Variants in LRRC4C observed in about 807,000 individuals in gnomAD.
The protein encoded by LRRC4C is leucine rich repeat containing 4C.
LRRC4C carries 5 observed loss-of-function variants against 33.6 expected under a neutral mutation model. The ratio of observed to expected loss-of-function variants is 0.15; its 90% CI spans 0.08 to 0.31. The LOEUF (loss-of-function observed/expected upper bound fraction) is 0.31. Among genes scored for constraint, LRRC4C ranks in the 10% least tolerant of loss-of-function variants. The pLI is 1.00. For synonymous variants in LRRC4C, 329 were observed against 302.0 expected, an observed-to-expected ratio of 1.09 and a Z score of -0.93; for missense variants, 560 against 796.7, an observed-to-expected ratio of 0.70 and a Z score of 3.58.
chr11:40,232,388 G>A (rs1453317208), intron 5 of LRRC4C, among the ~76,000 whole-genome samples: 1 of 152,048 alleles, frequency 6.6e-6, no homozygotes, highest in African/African-American at 2.4e-5. Flanking sequence ...ACCCACCTCT[G>A]TAAGACAAGA....
intron 1 of LRRC4C, among the ~76,000 whole-genome samples, chr11:40,942,038 T>C (rs1958174446): frequency 6.6e-6 from 1 of 152,092 alleles, no homozygotes; most frequent in Non-Finnish European, 1.5e-5. Context: ...AAGGGAGAGA[T>C]TTCAGACTAC....
intron 3 of LRRC4C, among the ~76,000 whole-genome samples, chr11:40,336,747 T>C (rs956044438): frequency 4.6e-5 from 7 of 151,696 alleles, no homozygotes; most frequent in Middle Eastern, 3.4e-3. Context: ...GAGGCCAAGA[T>C]GGGCAGATAG....
intron 3 of LRRC4C, among the ~76,000 whole-genome samples, chr11:40,590,030 G>A (rs1439717920): frequency 6.6e-6 from 1 of 151,386 alleles, no homozygotes; most frequent in African/African-American, 2.4e-5. Flanking sequence ...GACCTGCCTT[G>A]CTAGATTGGG....
intron 4 of LRRC4C, among the ~76,000 whole-genome samples, chr11:40,263,301 C>T (rs1942002374): frequency 6.6e-6 from 1 of 152,000 alleles, no homozygotes; most frequent in Non-Finnish European, 1.5e-5. Context: ...GAGTTGCCTA[C>T]AGAAATGAAG....
rs549588473 is a variant in LRRC4C at position 40,607,142 on chromosome 11, T to C, written c.-270+41000A>G. 2.0e-5 allele frequency among the ~76,000 whole-genome samples: 3 copies of C among 152,280 alleles called. No homozygotes were observed. The East Asian group carries it at 5.8e-4, about 29-fold the overall frequency. On this transcript the variant is annotated intron_variant, in intron 3 of 6. Coordinates refer to ENST00000528697, the MANE Select transcript of LRRC4C (RefSeq NM_001258419.2). ...TTCAAAAATGAAGGCGAAATACGAT[T>C]TTCCCATGTAAACAAAAGCTGAGGG...
chr11:41,175,307 T>C (rs1040627686), intron 1 of LRRC4C, among the ~76,000 whole-genome samples: 7 of 152,194 alleles, frequency 4.6e-5, no homozygotes, highest in African/African-American at 1.7e-4. Flanking sequence ...ATACACCTAT[T>C]GATTATTTTT....
Position 40,323,176 on chromosome 11 carries a change from C to T in LRRC4C, c.-269-3455G>A, listed in dbSNP as rs563311965. Among the ~76,000 whole-genome samples, 18 of 152,242 alleles carry T rather than the reference C, an allele frequency of 1.2e-4. No individual in the cohort carries two copies. The East Asian group carries it at 3.1e-3, about 26-fold the overall frequency. On this transcript the variant is annotated intron_variant, in intron 3 of 6. Coordinates refer to ENST00000528697, the MANE Select transcript of LRRC4C (RefSeq NM_001258419.2). ...GTTCTCATAGCTTCTCATAGCTAAA[C>T]GTTGTAACTAAAACAAATGATTTTA...
intron 1 of LRRC4C, among the ~76,000 whole-genome samples, chr11:41,239,043 C>A (rs560842831): frequency 5.3e-5 from 8 of 150,850 alleles, no homozygotes; most frequent in Admixed American, 2.6e-4. Flanking sequence ...TGGCCGGGCA[C>A]GGTGTCTCAC....
intron 3 of LRRC4C, among the ~76,000 whole-genome samples, chr11:40,557,672 A>G (rs1243351433): frequency 6.9e-6 from 1 of 145,354 alleles, no homozygotes; most frequent in Admixed American, 7.0e-5. Context: ...TACACTGTCT[A>G]TAGAGGCGTG....
chr11:40,900,491 C>T (rs1956153822), intron 2 of LRRC4C, among the ~76,000 whole-genome samples: 1 of 152,010 alleles, frequency 6.6e-6, no homozygotes, highest in Non-Finnish European at 1.5e-5. Context: ...CATCCTTAGA[C>T]CAAACCAAGG....
At chr11:41,197,269 C>T (rs896591700) in intron 1 of LRRC4C, among the ~76,000 whole-genome samples, 3 of 152,022 alleles carry the variant, frequency 2.0e-5, no homozygotes, top group African/African-American at 7.2e-5. Context: ...ATCCCTTTCG[C>T]TGATAAAGCC....
Position 40,130,354 on chromosome 11 carries a change from G to GT in LRRC4C, c.-43+10446dup, listed in dbSNP as rs890230747. Among the ~76,000 whole-genome samples the GT allele has an allele frequency of 2.6e-4, 39 of 151,328 alleles. No individual in the cohort carries two copies. The South Asian group carries it at 5.9e-3, about 23-fold the overall frequency. On this transcript the variant is annotated intron_variant, in intron 6 of 6. Transcript: ENST00000528697. Reference sequence around the variant, plus strand: ...AACTGTTGCTTCTTTTTTTCTTCCTGTTTTTTTTCTTTTTTCTTCAAGTTC... The same window carrying GT: ...AACTGTTGCTTCTTTTTTTCTTCCTGTTTTTTTTTCTTTTTTCTTCAAGTTC...
At chr11:40,901,803 T>G (rs1468216816) in intron 2 of LRRC4C, among the ~76,000 whole-genome samples, 1 of 152,080 alleles carries the variant, frequency 6.6e-6, no homozygotes, top group Non-Finnish European at 1.5e-5. Context: ...GAATTGATTT[T>G]TCTCTTTTAA....
chr11:40,496,645 A>G (rs1954475450), intron 3 of LRRC4C, among the ~76,000 whole-genome samples: 1 of 152,126 alleles, frequency 6.6e-6, no homozygotes, highest in Admixed American at 6.5e-5. Flanking sequence ...TTCTGCCTTC[A>G]TACACACCTG....
chr11:40,486,718 A>G (rs1382034768), intron 3 of LRRC4C, among the ~76,000 whole-genome samples: 1 of 152,096 alleles, frequency 6.6e-6, no homozygotes, highest in African/African-American at 2.4e-5. Context: ...TTAAGATTAG[A>G]GTAGTAAAAT....
At chr11:40,282,398 C>T (rs1431662048) in intron 4 of LRRC4C, among the ~76,000 whole-genome samples, 1 of 151,902 alleles carries the variant, frequency 6.6e-6, no homozygotes, top group African/African-American at 2.4e-5. Flanking sequence ...CCCTGGCATA[C>T]CTTCCCAAAT....
chr11:41,222,414 A>T (rs927536834), intron 1 of LRRC4C, among the ~76,000 whole-genome samples: 2 of 152,134 alleles, frequency 1.3e-5, no homozygotes, highest in African/African-American at 4.8e-5. Context: ...AGATAGAAAA[A>T]CTGGCAACAA....
At chr11:40,303,178 G>A (rs1944862247) in intron 4 of LRRC4C, among the ~76,000 whole-genome samples, 2 of 152,094 alleles carry the variant, frequency 1.3e-5, no homozygotes, top group South Asian at 4.1e-4. Context: ...AGAGAAATTG[G>A]GAAACTTGGA....
Position 40,578,140 on chromosome 11 carries a change from GGTTTTTTTTTTTTT to G in LRRC4C, c.-270+69988_-270+70001del, listed in dbSNP as rs1302689674. Among the ~76,000 whole-genome samples the G allele has an allele frequency of 1.4e-3, 56 of 40,570 alleles. 11 individuals are homozygous for G. The highest frequency in any genetic ancestry group is 7.7e-3 in the South Asian group (7 of 910). The allele number at this position is 40,570 out of a possible 152,430, so 26.6% of individuals were successfully genotyped here. A position where few individuals can be genotyped will look rare whatever the true frequency, so the allele number is the denominator to read the frequency against. On this transcript the variant is annotated intron_variant, in intron 3 of 6. Transcript: ENST00000528697. The stretch of plus-strand genomic sequence containing the variant: ...TGATATTATTGGACTTTTTTTTTTC[GGTTTTTTTTTTTTT>G]TTTTTTTTTTTTTTTTGCCTCTTAA...
Sources: allele counts gnomAD v4.1 joint callset (sites outside exome capture counted in the v4.1 genomes callset), GRCh38; gene constraint gnomAD v4.1.1; transcripts MANE v1.5; gene names NCBI Gene and HGNC (gene_info 2026-07-23, HGNC 2026-07-21).